SCHIP1: variants seen among roughly 807,000 people sequenced by gnomAD.
The protein encoded by SCHIP1 is schwannomin interacting protein 1, also known as schwannomin-interacting protein 1.
Under a neutral mutation model 29.7 loss-of-function variants are expected in SCHIP1, and 8 were observed. The observed-to-expected ratio is 0.27, with a 90% CI of 0.16 to 0.49. SCHIP1 has a LOEUF of 0.49. Among genes scored for constraint, SCHIP1 ranks in the 20% least tolerant of loss-of-function variants. The pLI, the probability that SCHIP1 is intolerant of heterozygous loss-of-function variation, is 0.99. For synonymous variants in SCHIP1, 76 were observed against 94.9 expected, an observed-to-expected ratio of 0.80 and a Z score of 1.16; for missense variants, 193 against 294.6, an observed-to-expected ratio of 0.66 and a Z score of 2.52.
the SCHIP1 span, among the ~76,000 whole-genome samples, chr3:159,816,545 G>A: frequency 2.0e-5 from 3 of 152,168 alleles, no homozygotes; most frequent in African/African-American, 4.8e-5. Context: ...AAAGTGCTGG[G>A]ATTACAGAGG....
At chr3:159,455,170 T>A in the SCHIP1 span, among the ~76,000 whole-genome samples, 2 of 152,178 alleles carry the variant, frequency 1.3e-5, no homozygotes, top group Non-Finnish European at 2.9e-5. Flanking sequence ...TGTAATTTCT[T>A]GGGGAGGGCA....
At chr3:159,886,175 G>A (rs2109433724) in intron 2 of SCHIP1, 32 bp from the exon 4 acceptor site, 2 of 1,610,276 alleles carry the variant, frequency 1.2e-6, no homozygotes, top group Non-Finnish European at 1.7e-6. Context: ...AAACAGCTAA[G>A]TAGAACTAGT....
At chr3:159,307,971 G>A in the SCHIP1 span, among the ~76,000 whole-genome samples, 2 of 151,780 alleles carry the variant, frequency 1.3e-5, no homozygotes, top group Non-Finnish European at 2.9e-5. Flanking sequence ...TTTTGGTTAC[G>A]GTGGCTTTAC....
At chr3:159,477,445 T>G in the SCHIP1 span, among the ~76,000 whole-genome samples, 1 of 152,172 alleles carries the variant, frequency 6.6e-6, no homozygotes, top group Non-Finnish European at 1.5e-5. Flanking sequence ...CACCAACACT[T>G]GCTATCCTTC....
the SCHIP1 span, among the ~76,000 whole-genome samples, chr3:159,660,996 C>T: frequency 2.2e-3 from 339 of 152,262 alleles, 2 homozygotes; most frequent in African/African-American, 7.9e-3. Context: ...ATGCAAGGTA[C>T]TGTGGATATG....
At chr3:159,596,680 C>T in the SCHIP1 span, among the ~76,000 whole-genome samples, 4 of 151,762 alleles carry the variant, frequency 2.6e-5, no homozygotes, top group African/African-American at 4.8e-5. Context: ...ACCATCACTC[C>T]GAGCAAACTA....
At chr3:159,657,608 A>C in the SCHIP1 span, among the ~76,000 whole-genome samples, 1 of 152,240 alleles carries the variant, frequency 6.6e-6, no homozygotes, top group Admixed American at 6.5e-5. Context: ...CCTAAATGTC[A>C]TTTAACTCTT....
chr3:159,694,317 C>A, the SCHIP1 span, among the ~76,000 whole-genome samples: 2 of 151,948 alleles, frequency 1.3e-5, no homozygotes, highest in Non-Finnish European at 2.9e-5. Flanking sequence ...GTCAGGAGTT[C>A]AAGACTAGCC....
At chr3:159,576,774 T>C in the SCHIP1 span, among the ~76,000 whole-genome samples, 1 of 152,096 alleles carries the variant, frequency 6.6e-6, no homozygotes, top group East Asian at 1.9e-4. Flanking sequence ...ACACTTAGGT[T>C]TACTAACCTT....
chr3:159,870,181 G>A (rs1235133536), intron 2 of SCHIP1, among the ~76,000 whole-genome samples: 1 of 151,916 alleles, frequency 6.6e-6, no homozygotes, highest in Non-Finnish European at 1.5e-5. Flanking sequence ...AATAATGGCA[G>A]CTTTATTTAT....
intron 1 of SCHIP1, among the ~76,000 whole-genome samples, chr3:159,844,707 C>T (rs1196719724): frequency 1.3e-5 from 2 of 152,176 alleles, no homozygotes; most frequent in African/African-American, 2.4e-5. Context: ...TCGAAGGGTC[C>T]ATTTTGCTTA....
At chr3:159,690,543 C>A in the SCHIP1 span, among the ~76,000 whole-genome samples, 1 of 152,180 alleles carries the variant, frequency 6.6e-6, no homozygotes, top group Non-Finnish European at 1.5e-5. Flanking sequence ...TTTCAAAAAA[C>A]CAACTCCTGG....
the SCHIP1 span, among the ~76,000 whole-genome samples, chr3:159,504,249 A>G: frequency 6.6e-6 from 1 of 152,114 alleles, no homozygotes; most frequent in Non-Finnish European, 1.5e-5. Flanking sequence ...AGTACTGGAG[A>G]TTATAAGTGT....
At chr3:159,455,686 A>G in the SCHIP1 span, among the ~76,000 whole-genome samples, 2 of 152,216 alleles carry the variant, frequency 1.3e-5, no homozygotes, top group Non-Finnish European at 2.9e-5. Context: ...CTAATGATCA[A>G]GGTTCTTATT....
chr3:159,333,927 A>T, the SCHIP1 span, among the ~76,000 whole-genome samples: 1 of 152,294 alleles, frequency 6.6e-6, no homozygotes, highest in East Asian at 1.9e-4. Flanking sequence ...TTTAATTCTA[A>T]GTTCTAAGAA....
chr3:159,713,246 A>G, the SCHIP1 span, among the ~76,000 whole-genome samples: 755 of 130,894 alleles, frequency 5.8e-3, 10 homozygotes, highest in Non-Finnish European at 8.3e-3. Context: ...GAAAGAAAGA[A>G]AGAAAGAAAG....
At chr3:159,608,857 A>G in the SCHIP1 span, among the ~76,000 whole-genome samples, 1 of 152,204 alleles carries the variant, frequency 6.6e-6, no homozygotes, top group Non-Finnish European at 1.5e-5. Flanking sequence ...TTACTCCAAT[A>G]AAGTCTCCTT....
the SCHIP1 span, among the ~76,000 whole-genome samples, chr3:159,425,317 C>T: frequency 6.6e-6 from 1 of 151,814 alleles, no homozygotes; most frequent in Admixed American, 6.6e-5. Context: ...CAGAGACACA[C>T]ATAGGCTCAA....
At chr3:159,605,478 T>A in the SCHIP1 span, among the ~76,000 whole-genome samples, 5 of 152,264 alleles carry the variant, frequency 3.3e-5, no homozygotes, top group South Asian at 1.0e-3. Context: ...ACCAATCCTA[T>A]CACCTTCTAC....
Sources: allele counts gnomAD v4.1 joint callset (sites outside exome capture counted in the v4.1 genomes callset), GRCh38; gene constraint gnomAD v4.1.1; transcripts MANE v1.5; gene names NCBI Gene and HGNC (gene_info 2026-07-23, HGNC 2026-07-21).